The following ZNF492 variants were observed in gnomAD, a reference collection of about 807,000 sequenced individuals.
The protein encoded by ZNF492 is zinc finger protein 115 (Y20).
Under a neutral mutation model 6.4 loss-of-function variants are expected in ZNF492, and 3 were observed. The observed-to-expected ratio is 0.47, with a 90% CI of 0.21 to 1.22. The LOEUF (loss-of-function observed/expected upper bound fraction) is 1.22. Among genes scored for constraint, ZNF492 ranks in the 50% most tolerant of loss-of-function variants. The probability of loss-of-function intolerance (pLI) is 0.22; values close to 1 mark genes in which losing one functional copy is unlikely to be tolerated. For missense variants in ZNF492, 356 were observed against 612.5 expected (o/e 0.58, Z 4.42); for synonymous variants, 112 against 205.3 (o/e 0.55, Z 3.89).
chr19:22,634,341 C>T lies in ZNF492; in HGVS notation c.-227C>T, dbSNP rs369506884. The T allele has an allele frequency of 4.4e-5, 44 of 992,952 alleles. 1 individual carries two copies. The East Asian group carries it at 7.4e-4, about 17-fold the overall frequency. 61.5% of individuals were successfully genotyped at this position (992,952 alleles called of 1,614,324 possible). Reference sequence around the variant, plus strand: ...GTGGCGGGGTCTTTGTCTCTCGCTGCAGTCGGAGTATGGTCTAGTGTTCGC... The same window carrying T: ...GTGGCGGGGTCTTTGTCTCTCGCTGTAGTCGGAGTATGGTCTAGTGTTCGC... On this transcript the variant is annotated 5_prime_UTR_variant, in exon 1 of 4. Coordinates refer to ENST00000456783, the MANE Select transcript of ZNF492 (RefSeq NM_020855.3).
intron 1 of ZNF492, among the ~76,000 whole-genome samples, chr19:22,638,738 T>C (rs1297941401): frequency 1.3e-5 from 2 of 152,208 alleles, no homozygotes; most frequent in Non-Finnish European, 2.9e-5. Flanking sequence ...TTTTTTGTTT[T>C]GTTTTTTAGC....
chr19:22,650,116 A>G (rs1170493071), intron 1 of ZNF492, among the ~76,000 whole-genome samples: 1 of 151,706 alleles, frequency 6.6e-6, no homozygotes, highest in Non-Finnish European at 1.5e-5. Flanking sequence ...TCTTGTGGGG[A>G]CTTTTTTGTT....
Position 22,665,643 on chromosome 19 carries a change from TATTC to T in ZNF492, c.*383_*386del, listed in dbSNP as rs1317122987. 4.9e-6 allele frequency: 1 copy of T among 202,916 alleles called. No individual in the cohort carries two copies. The highest frequency in any genetic ancestry group is 1.0e-5 in the Non-Finnish European group (1 of 99,306). 12.6% of individuals were successfully genotyped at this position (202,916 alleles called of 1,614,324 possible). On this transcript the variant is annotated 3_prime_UTR_variant, in exon 4 of 4. Coordinates refer to ENST00000456783, the MANE Select transcript of ZNF492 (RefSeq NM_020855.3). ...TTTACTTGTAACACAGATCTTGTTG[TATTC>T]ATTCTGTATTAGAGCAAACCCTGAG... is the stretch of plus-strand genomic sequence containing the variant.
intron 1 of ZNF492, 146 bp from the exon 2 acceptor site, chr19:22,653,161 C>G: frequency 2.1e-6 from 2 of 937,924 alleles, no homozygotes; most frequent in Non-Finnish European, 3.1e-6. Flanking sequence ...GAATATACTT[C>G]TGTGCTGAAA....
chr19:22,656,813 A>G (rs1320681300), intron 3 of ZNF492, among the ~76,000 whole-genome samples: 2 of 152,070 alleles, frequency 1.3e-5, no homozygotes, highest in African/African-American at 4.8e-5. Context: ...GGGCATTAGC[A>G]GAGTTTCACA....
rs778106859 is a variant in ZNF492 at position 22,664,072 on chromosome 19, C to T, written c.403C>T (p.His135Tyr). 6.2e-7 allele frequency: 1 copy of T among 1,603,110 alleles called. No homozygotes were observed. Residue 135 changes from histidine to tyrosine, a missense_variant, in exon 4 of 4, where the codon CAT (histidine) becomes TAT (tyrosine). His to Tyr is a moderately conservative substitution (Grantham distance 83). Coordinates refer to ENST00000456783, the MANE Select transcript of ZNF492 (RefSeq NM_020855.3). Reference protein sequence around the residue: ...FSNSNRHTIRHTGKKSFKCKE... With the variant: ...FSNSNRHTIRYTGKKSFKCKE... ...AAATTCAAACAGACATACGATAAGA[C>T]ATACTGGAAAGAAATCTTTCAAATG...
intron 1 of ZNF492, among the ~76,000 whole-genome samples, chr19:22,651,654 T>C (rs779589841): frequency 9.2e-5 from 14 of 152,118 alleles, no homozygotes; most frequent in Non-Finnish European, 1.5e-4. Context: ...ATTAAGAATG[T>C]TTCCTTCGTG....
At chr19:22,662,635 A>G (rs1599403386) in intron 3 of ZNF492, among the ~76,000 whole-genome samples, 1 of 151,052 alleles carries the variant, frequency 6.6e-6, no homozygotes, top group Non-Finnish European at 1.5e-5. Context: ...TCTAACTGGC[A>G]TGAGATGGTA....
chr19:22,662,917 G>A (rs566534319), intron 3 of ZNF492, among the ~76,000 whole-genome samples: 1 of 152,040 alleles, frequency 6.6e-6, no homozygotes, highest in African/African-American at 2.4e-5. Context: ...TTCTTTTGCC[G>A]TGCAGAAGCT....
intron 3 of ZNF492, among the ~76,000 whole-genome samples, chr19:22,659,599 G>C (rs539013733): frequency 0.066 from 9,115 of 137,856 alleles, 1,014 homozygotes; most frequent in African/African-American, 0.24. Flanking sequence ...CACAGAGAGA[G>C]AGAGAGACGT....
intron 1 of ZNF492, among the ~76,000 whole-genome samples, chr19:22,647,915 A>T (rs1244175329): frequency 1.3e-5 from 2 of 151,780 alleles, no homozygotes. Flanking sequence ...ATTTTTTAGT[A>T]GAGATGGGGT....
chr19:22,645,807 G>A (rs1250289877), intron 1 of ZNF492, among the ~76,000 whole-genome samples: 2 of 152,046 alleles, frequency 1.3e-5, no homozygotes, highest in Admixed American at 6.6e-5. Context: ...TTTTTGTCAG[G>A]TTTGTTGAAT....
chr19:22,650,580 C>G (rs1270307829), intron 1 of ZNF492, among the ~76,000 whole-genome samples: 1 of 152,098 alleles, frequency 6.6e-6, no homozygotes, highest in Admixed American at 6.5e-5. Flanking sequence ...GACTCAGGCC[C>G]AGGGAGATCA....
At chr19:22,645,120 C>T (rs541856137) in intron 1 of ZNF492, among the ~76,000 whole-genome samples, 19 of 152,106 alleles carry the variant, frequency 1.2e-4, no homozygotes, top group East Asian at 1.2e-3. Context: ...GATCTCTGCT[C>T]ACTGAAGCCT....
At chr19:22,643,867 G>C (rs906116468) in intron 1 of ZNF492, among the ~76,000 whole-genome samples, 1 of 152,140 alleles carries the variant, frequency 6.6e-6, no homozygotes, top group South Asian at 2.1e-4. Context: ...GTGCACTAAA[G>C]GGTAGTCCTA....
At chr19:22,637,993 C>T (rs1280008844) in intron 1 of ZNF492, among the ~76,000 whole-genome samples, 6 of 152,058 alleles carry the variant, frequency 3.9e-5, no homozygotes, top group Non-Finnish European at 7.4e-5. Context: ...TTTTTTTATG[C>T]TCGTTAACCA....
At chr19:22,648,249 G>C (rs1413100402) in intron 1 of ZNF492, among the ~76,000 whole-genome samples, 1 of 152,176 alleles carries the variant, frequency 6.6e-6, no homozygotes. Flanking sequence ...TTATGTAAAT[G>C]TGTGCTTTTG....
intron 1 of ZNF492, among the ~76,000 whole-genome samples, chr19:22,644,769 G>A (rs1971860895): frequency 6.6e-6 from 1 of 152,146 alleles, no homozygotes; most frequent in African/African-American, 2.4e-5. Context: ...GGGTCAAATG[G>A]TATTTCTGGT....
chr19:22,647,984 T>C (rs974862354), intron 1 of ZNF492, among the ~76,000 whole-genome samples: 9 of 152,126 alleles, frequency 5.9e-5, no homozygotes, highest in African/African-American at 2.2e-4. Flanking sequence ...TTTGCCTGCC[T>C]CGGCCTCCCA....
Sources: gnomAD v4.1 joint callset for allele counts (sites outside exome capture counted in the v4.1 genomes callset) on GRCh38, gnomAD v4.1.1 for gene constraint, MANE v1.5 for transcripts, NCBI Gene and HGNC (gene_info 2026-07-23, HGNC 2026-07-21) for gene names.